GSAP: variants seen among roughly 807,000 people sequenced by gnomAD.
The protein encoded by GSAP is gamma-secretase-activating protein.
GSAP carries 118 observed loss-of-function variants against 131.7 expected under a neutral mutation model. The observed-to-expected ratio is 0.90, with a 90% CI of 0.77 to 1.04. The LOEUF (loss-of-function observed/expected upper bound fraction) is 1.04. Ranked by LOEUF, GSAP falls within the 50% of genes least tolerant of loss-of-function variation. The probability of loss-of-function intolerance (pLI) is 0.00; values close to 1 mark genes in which losing one functional copy is unlikely to be tolerated. For synonymous variants in GSAP, 381 were observed against 363.4 expected (o/e 1.05, Z -0.55); for missense variants, 1,019 against 1,013.2 (o/e 1.01, Z -0.08).
chr7:77,374,772 C>G (rs1190614317), intron 11 of GSAP, among the ~76,000 whole-genome samples: 1 of 152,102 alleles, frequency 6.6e-6, no homozygotes, highest in Non-Finnish European at 1.5e-5. Flanking sequence ...CATCGAATCC[C>G]TCTATTTAAT....
intron 18 of GSAP, chr7:77,350,986 AG>A (rs1444781253): frequency 6.0e-6 from 2 of 331,918 alleles, no homozygotes; most frequent in Non-Finnish European, 8.6e-6. Context: ...CTTAAAAAAA[AG>A]TAGATAAGTA....
chr7:77,376,003 T>C (rs545171077), intron 10 of GSAP, among the ~76,000 whole-genome samples: 5 of 152,174 alleles, frequency 3.3e-5, no homozygotes, highest in Non-Finnish European at 7.4e-5. Flanking sequence ...TTTCCACTGA[T>C]AGAACACAAT....
chr7:77,357,084 T>C (rs1048081021), intron 14 of GSAP, among the ~76,000 whole-genome samples: 2 of 152,212 alleles, frequency 1.3e-5, no homozygotes, highest in Admixed American at 1.3e-4. Context: ...CTTAACTAGT[T>C]AATTAGGATG....
At chr7:77,402,724 T>A (rs1801589888) in intron 3 of GSAP, among the ~76,000 whole-genome samples, 1 of 147,606 alleles carries the variant, frequency 6.8e-6, no homozygotes. Context: ...GGGTTGTGCC[T>A]ACGTGGAGAA....
intron 12 of GSAP, among the ~76,000 whole-genome samples, chr7:77,373,630 T>C (rs1345111409): frequency 6.6e-6 from 1 of 152,224 alleles, no homozygotes; most frequent in African/African-American, 2.4e-5. Context: ...ATATTTCACA[T>C]TAATAACTTT....
At chr7:77,319,844 A>G (rs1345004987) in intron 26 of GSAP, among the ~76,000 whole-genome samples, 2 of 152,244 alleles carry the variant, frequency 1.3e-5, no homozygotes, top group African/African-American at 4.8e-5. Flanking sequence ...ACTCATAGAC[A>G]CAGAAGGTAG....
chr7:77,357,058 C>T (rs1793857853), intron 14 of GSAP, among the ~76,000 whole-genome samples: 1 of 152,192 alleles, frequency 6.6e-6, no homozygotes, highest in Admixed American at 6.5e-5. Context: ...GACCTAGTTA[C>T]CTCCCAGCTG....
intron 3 of GSAP, among the ~76,000 whole-genome samples, chr7:77,399,924 A>C (rs560704957): frequency 6.6e-6 from 1 of 152,288 alleles, no homozygotes; most frequent in South Asian, 2.1e-4. Context: ...CTCAGAGCTA[A>C]AGAGGTGAAA....
chr7:77,402,057 G>A (rs1387340321), intron 3 of GSAP, among the ~76,000 whole-genome samples: 1 of 152,118 alleles, frequency 6.6e-6, no homozygotes, highest in African/African-American at 2.4e-5. Context: ...ACTGAGTGAA[G>A]AGTACACAGG....
intron 12 of GSAP, among the ~76,000 whole-genome samples, chr7:77,368,983 G>A (rs1409928810): frequency 6.6e-6 from 1 of 152,138 alleles, no homozygotes; most frequent in Non-Finnish European, 1.5e-5. Flanking sequence ...GGCTAGCCTT[G>A]GGGAAACCAT....
chr7:77,371,895 A>G lies in GSAP; in HGVS notation c.871+2175T>C, dbSNP rs115187110. Among the ~76,000 whole-genome samples the G allele has an allele frequency of 7.5e-3, 1,146 of 152,362 alleles. 17 individuals are homozygous for G. Among genetic ancestry groups the G allele is most frequent in the African/African-American group, 0.026 (1,075 of 41,582 alleles). Reference sequence around the variant, plus strand: ...AATAGTCACATGGTGACAAAGTACCATCCTATAAATTACTAATTCAGAGGT... The same window carrying G: ...AATAGTCACATGGTGACAAAGTACCGTCCTATAAATTACTAATTCAGAGGT... On this transcript the variant is annotated intron_variant, in intron 12 of 30. Coordinates refer to ENST00000257626, the MANE Select transcript of GSAP (RefSeq NM_017439.4).
intron 19 of GSAP, among the ~76,000 whole-genome samples, chr7:77,334,054 C>T (rs1400534147): frequency 6.6e-6 from 1 of 152,084 alleles, no homozygotes; most frequent in Admixed American, 6.6e-5. Flanking sequence ...ACCATTTGAC[C>T]CAGCAATCTC....
intron 19 of GSAP, chr7:77,331,798 C>G (rs1420862067): frequency 3.3e-5 from 5 of 151,754 alleles, no homozygotes; most frequent in African/African-American, 1.2e-4. Context: ...CCACTCCTCA[C>G]TTGACTCACC....
intron 5 of GSAP, among the ~76,000 whole-genome samples, chr7:77,391,144 A>AG (rs930758107): frequency 2.0e-5 from 3 of 147,662 alleles, no homozygotes; most frequent in Non-Finnish European, 1.5e-5. Flanking sequence ...AAAAAAAAAA[A>AG]AAAGAAAAAG....
At chr7:77,349,166 T>G (rs139593631) in intron 19 of GSAP, among the ~76,000 whole-genome samples, 185 bp downstream of exon 19, 2 of 152,180 alleles carry the variant, frequency 1.3e-5, no homozygotes, top group African/African-American at 4.8e-5. Context: ...TTCCTGAGAA[T>G]TGCCATAATA....
intron 19 of GSAP, chr7:77,330,591 T>TTTTG (rs1554381548): frequency 2.6e-4 from 274 of 1,065,542 alleles, no homozygotes; most frequent in African/African-American, 6.9e-4. Context: ...TTTTTTTTTT[T>TTTTG]TTGTCGTTGT....
chr7:77,379,732 G>A, intron 8 of GSAP: 1 of 244,444 alleles, frequency 4.1e-6, no homozygotes, highest in East Asian at 1.8e-4. Context: ...TCTTGGGCTT[G>A]ACCCTCTTCT....
At chr7:77,408,173 C>T (rs1354335434) in intron 1 of GSAP, among the ~76,000 whole-genome samples, 5 of 152,194 alleles carry the variant, frequency 3.3e-5, no homozygotes, top group African/African-American at 1.2e-4. Flanking sequence ...ATTAACTAAG[C>T]TGTGAACTTA....
At chr7:77,351,422 G>GT (rs1374896034) in intron 18 of GSAP, 1 of 979,878 alleles carries the variant, frequency 1.0e-6, no homozygotes, top group African/African-American at 1.8e-5. Flanking sequence ...TTTTATTAAG[G>GT]TTGTAGCATT....
Sources: gnomAD v4.1 joint callset for allele counts (sites outside exome capture counted in the v4.1 genomes callset) on GRCh38, gnomAD v4.1.1 for gene constraint, MANE v1.5 for transcripts, NCBI Gene and HGNC (gene_info 2026-07-23, HGNC 2026-07-21) for gene names.